The following PCDHGA1 variants were observed in gnomAD, a reference collection of about 807,000 sequenced individuals.
PCDHGA1 encodes the protein protocadherin gamma subfamily A, 1.
A neutral mutation model predicts 58.0 loss-of-function variants in PCDHGA1; 32 were observed. The ratio of observed to expected loss-of-function variants is 0.55; its 90% CI spans 0.42 to 0.74. The LOEUF (loss-of-function observed/expected upper bound fraction) is 0.74, where lower values mean the gene tolerates loss of function less well. Ranked by LOEUF, PCDHGA1 falls within the 30% of genes least tolerant of loss-of-function variation. The pLI, the probability that PCDHGA1 is intolerant of heterozygous loss-of-function variation, is 0.00. For missense variants in PCDHGA1, 1,205 were observed against 1,182.3 expected (o/e 1.02, Z -0.28); for synonymous variants, 498 against 501.1 (o/e 0.99, Z 0.08).
Position 141,332,200 on chromosome 5 carries a change from T to C in PCDHGA1, c.1516T>C (p.Ser506Pro). 6.2e-7 allele frequency: 1 copy of C among 1,614,162 alleles called. No individual in the cohort carries two copies. Among genetic ancestry groups the C allele is most frequent in the Non-Finnish European group, 8.5e-7 (1 of 1,180,028 alleles). Residue 506 changes from serine to proline, a missense_variant, in exon 1 of 4, where the codon TCC becomes CCC. By Grantham distance (74) the Ser-to-Pro change is moderately conservative. Transcript: ENST00000517417. The surrounding 1 kb of genome is among the most constrained non-coding windows in gnomAD (Gnocchi z 4.6). ...IQGAPLSAYL[S>P]INSDTGVLYA... is the part of the protein sequence containing the mutation. ...GGGGGCACCCCTATCTGCCTACCTC[T>C]CCATCAACTCCGACACTGGGGTCCT... is the stretch of plus-strand genomic sequence containing the variant.
chr5:141,373,865 C>T, intron 1 of PCDHGA1: 1 of 465,356 alleles, frequency 2.1e-6, no homozygotes, highest in Admixed American at 3.9e-5. Context: ...GTTGACCAAC[C>T]TGGGCAAGAA....
chr5:141,505,653 G>A (rs1049630228), intron 3 of PCDHGA1, among the ~76,000 whole-genome samples, 172 bp downstream of exon 3: 1 of 152,184 alleles, frequency 6.6e-6, no homozygotes, highest in Non-Finnish European at 1.5e-5. Context: ...TTGTGGCTAA[G>A]GAACAGCAGA....
intron 1 of PCDHGA1, chr5:141,478,331 G>C: frequency 6.2e-7 from 1 of 1,613,956 alleles, no homozygotes; most frequent in Non-Finnish European, 8.5e-7. Context: ...CCGAACACCA[G>C]GGCCCTCCTT....
In PCDHGA1 at chr5:141,332,584, G is replaced by T; in HGVS notation, c.1900G>T (p.Asp634Tyr). The T allele has an allele frequency of 6.2e-7, 1 of 1,612,790 alleles. No homozygotes were observed. The highest frequency in any genetic ancestry group is 8.5e-7 in the Non-Finnish European group (1 of 1,179,856). Reference protein sequence around the residue: ...GEVRTARALLDRDALKQSLVV... With the variant: ...GEVRTARALLYRDALKQSLVV... Reference sequence around the variant, plus strand: ...GGTGCGCACGGCGCGAGCCCTGCTGGACAGAGACGCGCTCAAGCAGAGTCT... The same window carrying T: ...GGTGCGCACGGCGCGAGCCCTGCTGTACAGAGACGCGCTCAAGCAGAGTCT... The change falls in exon 1 of 4, where the codon GAC becomes TAC. Residue 634 changes from aspartate to tyrosine, a missense_variant. Coordinates refer to ENST00000517417, the MANE Select transcript of PCDHGA1 (RefSeq NM_018912.3). This position sits in a 1 kb window ranked among gnomAD's most constrained non-coding sequence, Gnocchi z 4.6.
intron 1 of PCDHGA1, among the ~76,000 whole-genome samples, chr5:141,396,897 T>C (rs1337739986): frequency 1.3e-5 from 2 of 152,220 alleles, no homozygotes; most frequent in African/African-American, 4.8e-5. Flanking sequence ...CAACATATTA[T>C]TGGCACTTTG....
intron 1 of PCDHGA1, among the ~76,000 whole-genome samples, chr5:141,451,724 A>G (rs2098722682): frequency 6.6e-6 from 1 of 152,170 alleles, no homozygotes; most frequent in Non-Finnish European, 1.5e-5. Context: ...TCTACTAAAA[A>G]TACAAAAATT....
At chr5:141,424,078 T>C in intron 1 of PCDHGA1, 1 of 975,828 alleles carries the variant, frequency 1.0e-6, no homozygotes, top group South Asian at 4.8e-5. Context: ...GTAGTTATAT[T>C]CCACCATTAT....
intron 1 of PCDHGA1, chr5:141,399,761 G>C: frequency 1.2e-6 from 2 of 1,613,356 alleles, no homozygotes; most frequent in Non-Finnish European, 1.7e-6. Flanking sequence ...GTGAGCCTGC[G>C]CGTGTTGGTG....
rs377387694 is a variant in PCDHGA1, at chr5:141,366,375, T to A, written c.2421+33270T>A. 19 of 1,614,096 alleles carry A rather than the reference T, an allele frequency of 1.2e-5. No homozygotes were observed. The highest frequency in any genetic ancestry group is 1.6e-5 in the Non-Finnish European group (19 of 1,180,036). On this transcript the variant is annotated intron_variant, in intron 1 of 3. Coordinates refer to ENST00000517417, the MANE Select transcript of PCDHGA1 (RefSeq NM_018912.3). Reference sequence around the variant, plus strand: ...GACCTAGGCAGTATCAAGACCCCCATTGACCCTGAGGATCTGGACCTCACA... The same window carrying A: ...GACCTAGGCAGTATCAAGACCCCCAATGACCCTGAGGATCTGGACCTCACA...
At chr5:141,372,417 C>G in intron 1 of PCDHGA1, 1 of 1,614,062 alleles carries the variant, frequency 6.2e-7, no homozygotes, top group Non-Finnish European at 8.5e-7. Flanking sequence ...ACAACCTGAC[C>G]TTAGCGACCG....
At chr5:141,467,055 C>CTTTTTTTTTTT (rs1193465269) in intron 1 of PCDHGA1, among the ~76,000 whole-genome samples, 1 of 134,498 alleles carries the variant, frequency 7.4e-6, no homozygotes, top group Non-Finnish European at 1.6e-5. Context: ...TCAATGTTTT[C>CTTTTTTTTTTT]TTTTTTTTTT....
chr5:141,402,281 C>A (rs1589453227), intron 1 of PCDHGA1, among the ~76,000 whole-genome samples: 1 of 151,846 alleles, frequency 6.6e-6, no homozygotes, highest in African/African-American at 2.4e-5. Flanking sequence ...AGTGGATAAT[C>A]TATCCTTATA....
intron 1 of PCDHGA1, chr5:141,399,826 G>C (rs2093897872): frequency 1.2e-6 from 2 of 1,613,066 alleles, no homozygotes; most frequent in Non-Finnish European, 1.7e-6. Context: ...GGGTCCCGAC[G>C]GCTCTGCGCT....
At chr5:141,421,146 C>T in intron 1 of PCDHGA1, 1 of 1,015,090 alleles carries the variant, frequency 9.9e-7, no homozygotes, top group Non-Finnish European at 1.4e-6. Flanking sequence ...TGGATGTAGT[C>T]GGCCTAGGAC....
intron 1 of PCDHGA1, chr5:141,400,377 A>G: frequency 1.2e-6 from 2 of 1,613,892 alleles, no homozygotes; most frequent in Non-Finnish European, 1.7e-6. Flanking sequence ...CCTACAACCT[A>G]TGTGTTGCAC....
intron 1 of PCDHGA1, chr5:141,399,913 C>T: frequency 2.5e-6 from 4 of 1,612,372 alleles, no homozygotes; most frequent in Non-Finnish European, 3.4e-6. Context: ...AGACTCAGGA[C>T]ACAACGCCTG....
At position 141,355,454 on chromosome 5, in the gene PCDHGA1, T is replaced by C. The variant is rs747114366; in HGVS notation, c.2421+22349T>C. ...CTGAACCCGCGCAGCGGCACCTTGGTCACCGCGGGTAGGATAGACAGGGAG... is the reference window on the plus strand; with the variant it reads ...CTGAACCCGCGCAGCGGCACCTTGGCCACCGCGGGTAGGATAGACAGGGAG... On this transcript the variant is annotated intron_variant, in intron 1 of 3. Transcript: ENST00000517417. 62 of 1,614,066 alleles carry C rather than the reference T, an allele frequency of 3.8e-5. No homozygotes were observed. Among genetic ancestry groups the C allele is most frequent in the Non-Finnish European group, 4.7e-5 (55 of 1,179,914 alleles).
intron 1 of PCDHGA1, among the ~76,000 whole-genome samples, chr5:141,348,309 T>C (rs1758095345): frequency 6.6e-6 from 1 of 152,074 alleles, no homozygotes; most frequent in Non-Finnish European, 1.5e-5. Flanking sequence ...AACATGGAAA[T>C]ACATCACAGA....
At position 141,461,300 on chromosome 5, in the gene PCDHGA1, A is replaced by G. The variant is rs889981233; in HGVS notation, c.2422-33507A>G. Among the ~76,000 whole-genome samples, 10 of 152,106 alleles carry G rather than the reference A, an allele frequency of 6.6e-5. No individual in the cohort carries two copies. In the East Asian group the frequency reaches 1.4e-3, roughly 21 times the overall value. On this transcript the variant is annotated intron_variant, in intron 1 of 3. Transcript: ENST00000517417. The stretch of plus-strand genomic sequence containing the variant: ...TTTCCCCACATCCACACCAACATCT[A>G]TTGTTTTTTGACTTTTTAATAATGG...
Sources: gnomAD v4.1 joint callset for allele counts (sites outside exome capture counted in the v4.1 genomes callset) on GRCh38, gnomAD v4.1.1 for gene constraint, Gnocchi (gnomAD v3.1) non-coding constraint, MANE v1.5 for transcripts, NCBI Gene and HGNC (gene_info 2026-07-23, HGNC 2026-07-21) for gene names.